EMSY: variants seen among roughly 807,000 people sequenced by gnomAD.
EMSY encodes EMSY transcriptional repressor, BRCA2 interacting.
Under a neutral mutation model 134.6 loss-of-function variants are expected in EMSY, and 26 were observed. The ratio of observed to expected loss-of-function variants is 0.19; its 90% confidence interval spans 0.14 to 0.27. The LOEUF (loss-of-function observed/expected upper bound fraction) is 0.27, where lower values mean the gene tolerates loss of function less well. Ranked by LOEUF, EMSY falls within the 10% of genes least tolerant of loss-of-function variation. EMSY has a pLI of 1.00. For missense variants in EMSY, 1,305 were observed against 1,611.4 expected (o/e 0.81, Z 3.26); for synonymous variants, 579 against 577.8 (o/e 1.00, Z -0.03).
intron 11 of EMSY, among the ~76,000 whole-genome samples, chr11:76,520,170 A>G (rs538646889): frequency 6.6e-5 from 10 of 152,242 alleles, no homozygotes; most frequent in African/African-American, 2.2e-4. Context: ...TATAAATTAT[A>G]TTCTATTTTA....
chr11:76,516,494 A>G (rs1171462998), intron 11 of EMSY, 182 bp downstream of exon 12: 10 of 410,516 alleles, frequency 2.4e-5, no homozygotes, highest in South Asian at 1.4e-4. Context: ...ATATTCACAT[A>G]TAAAGCTTTT....
At chr11:76,523,078 T>A in intron 11 of EMSY, 77 bp from the exon 13 acceptor site, 2 of 1,400,866 alleles carry the variant, frequency 1.4e-6, no homozygotes, top group South Asian at 2.8e-5. Flanking sequence ...ATGTACTAAT[T>A]GTGTATAATA....
intron 8 of EMSY, among the ~76,000 whole-genome samples, chr11:76,481,733 G>A (rs533970390): frequency 6.6e-6 from 1 of 152,344 alleles, no homozygotes; most frequent in East Asian, 1.9e-4. Flanking sequence ...CTGAAAGAAA[G>A]GCAGCAGCCC....
chr11:76,513,254 C>T, intron 9 of EMSY, 132 bp from the exon 11 acceptor site: 1 of 640,246 alleles, frequency 1.6e-6, no homozygotes, highest in Non-Finnish European at 2.4e-6. Flanking sequence ...TTTAGAGTTT[C>T]ATCAGTATTA....
At chr11:76,453,531 A>C in intron 4 of EMSY, 143 bp downstream of exon 4, 1 of 672,628 alleles carries the variant, frequency 1.5e-6, no homozygotes, top group African/African-American at 1.9e-5. Flanking sequence ...ATAGCAGTAA[A>C]AGTGATATTA....
chr11:76,457,343 C>T (rs1590786349), intron 4 of EMSY, among the ~76,000 whole-genome samples: 1 of 152,154 alleles, frequency 6.6e-6, no homozygotes, highest in East Asian at 1.9e-4. Context: ...CAGCACTAAT[C>T]ATTAGTCAGG....
At chr11:76,550,616 T>C (rs1301970926) in exon 21 of EMSY, 1 of 152,598 alleles carries the variant, frequency 6.6e-6, no homozygotes, top group African/African-American at 2.4e-5. Flanking sequence ...GTTAAAATTT[T>C]ACATTTTCTC....
chr11:76,451,620 CT>C (rs1297702211), intron 2 of EMSY, among the ~76,000 whole-genome samples: 1 of 152,060 alleles, frequency 6.6e-6, no homozygotes, highest in African/African-American at 2.4e-5. Context: ...AAAATATCTA[CT>C]GTTAGATTTT....
chr11:76,473,317 T>G (rs1245649143), intron 8 of EMSY, among the ~76,000 whole-genome samples: 1 of 151,998 alleles, frequency 6.6e-6, no homozygotes, highest in Non-Finnish European at 1.5e-5. Flanking sequence ...CTTTTTTTTT[T>G]TCTCGTTGAG....
At chr11:76,487,030 C>G (rs1353694313) in intron 8 of EMSY, among the ~76,000 whole-genome samples, 2 of 152,204 alleles carry the variant, frequency 1.3e-5, no homozygotes, top group Non-Finnish European at 2.9e-5. Flanking sequence ...GTAATCCCAG[C>G]ACTTTGGGAG....
chr11:76,495,791 A>T (rs1437481386), intron 8 of EMSY, among the ~76,000 whole-genome samples: 1 of 152,172 alleles, frequency 6.6e-6, no homozygotes, highest in Non-Finnish European at 1.5e-5. Context: ...GGCTGATTAG[A>T]ACCTGAAAAA....
At chr11:76,465,489 G>A (rs1400440587) in intron 7 of EMSY, among the ~76,000 whole-genome samples, 1 of 151,522 alleles carries the variant, frequency 6.6e-6, no homozygotes. Context: ...TAAATGTTCA[G>A]TATTTTTATT....
chr11:76,497,444 G>T (rs987397325), intron 9 of EMSY, among the ~76,000 whole-genome samples: 7 of 152,078 alleles, frequency 4.6e-5, no homozygotes, highest in African/African-American at 1.7e-4. Context: ...TTCTTTAAAT[G>T]TTCAGTAGAA....
Position 76,535,894 on chromosome 11 carries a change from G to A in EMSY, c.2195-1G>A, listed in dbSNP as rs2136535106. ...GTTTTTTTTTAACTAATATAAAACAGATTCCCAGCCTGTAGTTCATGTAAT... is the reference window on the plus strand; with the variant it reads ...GTTTTTTTTTAACTAATATAAAACAAATTCCCAGCCTGTAGTTCATGTAAT... On this transcript the variant is annotated splice_acceptor_variant, in intron 14 of 20. Transcript: ENST00000334736. LOFTEE classifies it high-confidence loss of function. 6.7e-7 allele frequency: 1 copy of A among 1,485,624 alleles called. No homozygotes were observed. The highest frequency in any genetic ancestry group is 1.5e-5 in the South Asian group (1 of 68,500). The allele number at this position is 1,485,624 out of a possible 1,614,324, so 92.0% of individuals were successfully genotyped here.
At chr11:76,460,137 C>T in intron 6 of EMSY, 52 bp downstream of exon 7, 1 of 1,591,722 alleles carries the variant, frequency 6.3e-7, no homozygotes, top group Non-Finnish European at 8.6e-7. Flanking sequence ...ATGCTGCAGT[C>T]TAGGCTCTGA....
chr11:76,463,656 G>A (rs1162429024), intron 6 of EMSY, among the ~76,000 whole-genome samples, 165 bp from the exon 8 acceptor site: 1 of 151,670 alleles, frequency 6.6e-6, no homozygotes, highest in African/African-American at 2.4e-5. Context: ...AAAGAAAGGA[G>A]GGAAGGCATT....
At chr11:76,545,910 A>T (rs770203344) in exon 20 of EMSY, 6 of 1,614,094 alleles carry the variant, frequency 3.7e-6, no homozygotes, top group Non-Finnish European at 5.1e-6. Flanking sequence ...CTAAGCTGAC[A>T]TCACCAGTTA....
intron 6 of EMSY, among the ~76,000 whole-genome samples, chr11:76,463,482 G>A (rs1233708167): frequency 2.6e-5 from 4 of 151,966 alleles, no homozygotes; most frequent in Non-Finnish European, 5.9e-5. Context: ...AATTAGCCGG[G>A]CGCGGTGGCG....
chr11:76,456,494 G>A (rs1359477192), intron 4 of EMSY, among the ~76,000 whole-genome samples: 3 of 152,158 alleles, frequency 2.0e-5, no homozygotes, highest in African/African-American at 4.8e-5. Flanking sequence ...AAGCTTATTA[G>A]TGATATTATA....
Sources: gnomAD v4.1 joint callset for allele counts (sites outside exome capture counted in the v4.1 genomes callset) on GRCh38, gnomAD v4.1.1 for gene constraint, MANE v1.5 for transcripts, NCBI Gene and HGNC (gene_info 2026-07-23, HGNC 2026-07-21) for gene names.